Variants in CTNNA3 observed in about 807,000 individuals in gnomAD.
CTNNA3 encodes the protein catenin alpha 3.
Under a neutral mutation model 95.7 loss-of-function variants are expected in CTNNA3, and 76 were observed. The ratio of observed to expected loss-of-function variants is 0.79; its 90% confidence interval spans 0.66 to 0.96. The LOEUF is 0.96. Ranked by LOEUF, CTNNA3 falls within the 40% of genes least tolerant of loss-of-function variation. CTNNA3 has a pLI of 0.00. For synonymous variants in CTNNA3, 431 were observed against 374.4 expected, an observed-to-expected ratio of 1.15 and a Z score of -1.74; for missense variants, 1,191 against 1,089.8, an observed-to-expected ratio of 1.09 and a Z score of -1.31.
intron 6 of CTNNA3, among the ~76,000 whole-genome samples, chr10:67,211,010 G>A (rs1864117726): frequency 6.6e-6 from 1 of 152,202 alleles, no homozygotes; most frequent in South Asian, 2.1e-4. Flanking sequence ...GGATCTAAAG[G>A]AAGAGTTGTG....
chr10:67,684,753 C>T (rs1440755860), intron 1 of CTNNA3, among the ~76,000 whole-genome samples: 1 of 152,122 alleles, frequency 6.6e-6, no homozygotes, highest in Non-Finnish European at 1.5e-5. Flanking sequence ...ACTTGATGGC[C>T]TTGATTCTAG....
At chr10:66,949,954 A>G (rs1325843418) in intron 7 of CTNNA3, among the ~76,000 whole-genome samples, 1 of 152,180 alleles carries the variant, frequency 6.6e-6, no homozygotes, top group Admixed American at 6.5e-5. Context: ...TTGTCACTTC[A>G]CAGCTCAGAA....
rs2092662807 is a variant in CTNNA3, at chr10:66,360,808, C to CTTTCTTT, written c.1732+18343_1732+18344insAAAGAAA. ...TTCTTCCTTCCTTCCTTCCTTCCTT[C>CTTTCTTT]CTTCCTTCCTTTCTTTCTTTCTTTC... On this transcript the variant is annotated intron_variant, in intron 12 of 17. Coordinates refer to ENST00000433211, the MANE Select transcript of CTNNA3 (RefSeq NM_013266.4). 2.3e-4 allele frequency among the ~76,000 whole-genome samples: 14 copies of CTTTCTTT among 61,810 alleles called. 1 individual carries two copies. The East Asian group carries it at 2.8e-3, about 13-fold the overall frequency. 40.5% of individuals were successfully genotyped at this position (61,810 alleles called of 152,430 possible). A position where few individuals can be genotyped will look rare whatever the true frequency, so the allele number is the denominator to read the frequency against.
At chr10:67,337,951 A>G (rs947046542) in intron 5 of CTNNA3, among the ~76,000 whole-genome samples, 9 of 152,232 alleles carry the variant, frequency 5.9e-5, no homozygotes, top group African/African-American at 2.2e-4. Context: ...CTTTATTGCA[A>G]TATTTGCTTT....
intron 5 of CTNNA3, among the ~76,000 whole-genome samples, chr10:67,286,535 G>A (rs958012459): frequency 3.3e-5 from 5 of 152,170 alleles, no homozygotes; most frequent in African/African-American, 1.2e-4. Context: ...CTAAATAGCT[G>A]GCACAGAGTT....
At chr10:66,598,215 T>G (rs1215416580) in intron 10 of CTNNA3, among the ~76,000 whole-genome samples, 1 of 152,100 alleles carries the variant, frequency 6.6e-6, no homozygotes, top group Non-Finnish European at 1.5e-5. Flanking sequence ...TGACATTCTT[T>G]TTTGATAAAA....
intron 6 of CTNNA3, among the ~76,000 whole-genome samples, chr10:67,181,004 A>T (rs1862513519): frequency 6.6e-6 from 1 of 152,186 alleles, no homozygotes; most frequent in Non-Finnish European, 1.5e-5. Context: ...AAGTATTAAT[A>T]ACTACACATT....
chr10:67,131,690 G>T (rs1307337797), intron 7 of CTNNA3, among the ~76,000 whole-genome samples: 1 of 152,002 alleles, frequency 6.6e-6, no homozygotes, highest in African/African-American at 2.4e-5. Flanking sequence ...GGGCATATAA[G>T]AGGTGCTCAA....
intron 7 of CTNNA3, among the ~76,000 whole-genome samples, chr10:67,032,541 T>C (rs528613280): frequency 1.3e-5 from 2 of 152,332 alleles, no homozygotes; most frequent in South Asian, 4.1e-4. Context: ...AAATACTCTC[T>C]ACAGATTTCT....
chr10:67,559,781 G>A (rs984140999), intron 3 of CTNNA3, among the ~76,000 whole-genome samples: 2 of 152,156 alleles, frequency 1.3e-5, no homozygotes, highest in African/African-American at 4.8e-5. Context: ...CCAATACAGA[G>A]AAGTGCTTAA....
At chr10:67,289,806 G>GATTT (rs1204984603) in intron 5 of CTNNA3, among the ~76,000 whole-genome samples, 5 of 151,600 alleles carry the variant, frequency 3.3e-5, no homozygotes, top group South Asian at 2.1e-4. Context: ...TTGATGGATG[G>GATTT]ATTTATTTAT....
intron 16 of CTNNA3, among the ~76,000 whole-genome samples, chr10:65,967,082 G>A (rs377054984): frequency 1.3e-4 from 19 of 151,824 alleles, no homozygotes; most frequent in South Asian, 8.3e-4. Flanking sequence ...TCAGCCTCCC[G>A]GGTAGCTGTG....
At chr10:66,613,268 G>A (rs1844391331) in intron 10 of CTNNA3, among the ~76,000 whole-genome samples, 1 of 151,946 alleles carries the variant, frequency 6.6e-6, no homozygotes, top group Non-Finnish European at 1.5e-5. Flanking sequence ...CTTCTGCCAG[G>A]ACACACCACC....
intron 11 of CTNNA3, among the ~76,000 whole-genome samples, chr10:66,440,063 T>C (rs2093364805): frequency 6.6e-6 from 1 of 152,208 alleles, no homozygotes; most frequent in Non-Finnish European, 1.5e-5. Flanking sequence ...GTTTCTCATA[T>C]TGATAGCATT....
At chr10:67,350,548 G>A (rs1297495668) in intron 5 of CTNNA3, among the ~76,000 whole-genome samples, 2 of 145,786 alleles carry the variant, frequency 1.4e-5, no homozygotes, top group Non-Finnish European at 3.0e-5. Context: ...CTGTGTGAAT[G>A]ATGACCAAAT....
chr10:67,230,709 C>T (rs908408185), intron 5 of CTNNA3, among the ~76,000 whole-genome samples: 2 of 152,186 alleles, frequency 1.3e-5, no homozygotes, highest in Non-Finnish European at 2.9e-5. Context: ...GTCTACAGCT[C>T]CCAGCTTGAG....
rs773399650 is a variant in CTNNA3 at position 67,131,486 on chromosome 10, G to A, written c.1047+48831C>T. Reference sequence around the variant, plus strand: ...TTAAAACACATTATGCTTTTATCAGGTACTATGTGGCAGTCATTATGCCGG... The same window carrying A: ...TTAAAACACATTATGCTTTTATCAGATACTATGTGGCAGTCATTATGCCGG... On this transcript the variant is annotated intron_variant, in intron 7 of 17. Transcript: ENST00000433211. Among the ~76,000 whole-genome samples, 7 of 151,986 alleles carry A rather than the reference G, an allele frequency of 4.6e-5. No homozygotes were observed. The South Asian group carries it at 6.2e-4, about 14-fold the overall frequency.
intron 12 of CTNNA3, among the ~76,000 whole-genome samples, chr10:66,306,044 T>A (rs561460986): frequency 1.3e-5 from 2 of 152,186 alleles, no homozygotes; most frequent in African/African-American, 2.4e-5. Context: ...ACACAAAGAT[T>A]ATCACATAAT....
intron 9 of CTNNA3, among the ~76,000 whole-genome samples, chr10:66,702,725 A>T (rs949070000): frequency 1.0e-4 from 11 of 107,464 alleles, no homozygotes; most frequent in African/African-American, 5.2e-4. Flanking sequence ...AAAAAAAAAA[A>T]AAGAATAAGT....
Sources: allele counts gnomAD v4.1 joint callset (sites outside exome capture counted in the v4.1 genomes callset), GRCh38; gene constraint gnomAD v4.1.1; transcripts MANE v1.5; gene names NCBI Gene and HGNC (gene_info 2026-07-23, HGNC 2026-07-21).